Variants in KCTD16 observed in about 807,000 individuals in gnomAD.
KCTD16 encodes the protein BTB/POZ domain-containing protein KCTD16.
Under a neutral mutation model 33.2 loss-of-function variants are expected in KCTD16, and 13 were observed. The observed-to-expected ratio is 0.39, with a 90% CI of 0.25 to 0.62. The LOEUF (loss-of-function observed/expected upper bound fraction) is 0.62. KCTD16 is among the 20% of genes least tolerant of loss of function. The pLI, the probability that KCTD16 is intolerant of heterozygous loss-of-function variation, is 0.50. For missense variants in KCTD16, 441 were observed against 525.1 expected (o/e 0.84, Z 1.57); for synonymous variants, 197 against 195.3 (o/e 1.01, Z -0.07).
In KCTD16 at chr5:144,362,140, C is replaced by T. The variant is rs150288309; in HGVS notation, c.833-111520C>T. 2.4e-4 allele frequency among the ~76,000 whole-genome samples: 36 copies of T among 152,244 alleles called. 1 individual carries two copies. In the East Asian group the frequency reaches 7.0e-3, roughly 29 times the overall value. ...TGATCTCTTCAAACTACTAGAGCAA[C>T]TGCTCTCACGTAGGCTCTCTGCATG... On this transcript the variant is annotated intron_variant, in intron 3 of 3. Coordinates refer to ENST00000512467, the MANE Select transcript of KCTD16 (RefSeq NM_020768.4).
intron 3 of KCTD16, among the ~76,000 whole-genome samples, chr5:144,266,476 A>G (rs887346537): frequency 3.9e-5 from 6 of 152,228 alleles, no homozygotes; most frequent in Admixed American, 2.0e-4. Flanking sequence ...CAGAATTTGC[A>G]GTTTCCTGCA....
chr5:144,417,890 C>G (rs113035653), intron 3 of KCTD16, among the ~76,000 whole-genome samples: 1 of 152,098 alleles, frequency 6.6e-6, no homozygotes, highest in African/African-American at 2.4e-5. Flanking sequence ...CCTGGTCTTG[C>G]TGACTTCAAG....
intron 3 of KCTD16, among the ~76,000 whole-genome samples, chr5:144,450,767 A>G (rs1753923171): frequency 6.6e-6 from 1 of 152,128 alleles, no homozygotes; most frequent in Non-Finnish European, 1.5e-5. Context: ...GAAGCAGAGA[A>G]TACAATGGTA....
At chr5:144,446,194 G>T (rs1286588446) in intron 3 of KCTD16, among the ~76,000 whole-genome samples, 2 of 151,816 alleles carry the variant, frequency 1.3e-5, no homozygotes, top group African/African-American at 4.8e-5. Flanking sequence ...TTTTTTAAAT[G>T]TGGGTATTTG....
chr5:144,418,420 G>T (rs1753133130), intron 3 of KCTD16, among the ~76,000 whole-genome samples: 2 of 152,048 alleles, frequency 1.3e-5, no homozygotes, highest in African/African-American at 4.8e-5. Context: ...GTGCTGATTG[G>T]TCCGTTTTTA....
chr5:144,279,390 G>A (rs1755540367), intron 3 of KCTD16, among the ~76,000 whole-genome samples: 1 of 152,296 alleles, frequency 6.6e-6, no homozygotes, highest in African/African-American at 2.4e-5. Flanking sequence ...ATTTTAAGGA[G>A]AAAGTATTCA....
chr5:144,287,501 C>A (rs1755777212), intron 3 of KCTD16, among the ~76,000 whole-genome samples: 3 of 152,164 alleles, frequency 2.0e-5, no homozygotes, highest in Admixed American at 6.5e-5. Flanking sequence ...AGTAAGTAAT[C>A]CATCCAAGAT....
rs998527555 is a variant in KCTD16 at position 144,346,109 on chromosome 5, T to C, written c.833-127551T>C. Among the ~76,000 whole-genome samples the C allele has an allele frequency of 3.3e-5, 5 of 152,162 alleles. No individual in the cohort carries two copies. The East Asian group carries it at 9.6e-4, about 29-fold the overall frequency. On this transcript the variant is annotated intron_variant, in intron 3 of 3. Coordinates refer to ENST00000512467, the MANE Select transcript of KCTD16 (RefSeq NM_020768.4). ...CACAAATAAGTGGGAACATGCAGTG[T>C]TTGCCTTTCTGTGCCTGGCTTATTT... is the stretch of plus-strand genomic sequence containing the variant.
intron 3 of KCTD16, among the ~76,000 whole-genome samples, chr5:144,434,577 G>C (rs1290434852): frequency 6.6e-6 from 1 of 152,022 alleles, no homozygotes; most frequent in Non-Finnish European, 1.5e-5. Flanking sequence ...TCAGTTTTCA[G>C]GTAATGTTAT....
intron 3 of KCTD16, among the ~76,000 whole-genome samples, chr5:144,438,986 C>A (rs1369901181): frequency 6.6e-6 from 1 of 152,122 alleles, no homozygotes; most frequent in Non-Finnish European, 1.5e-5. Context: ...ATATTCCTAA[C>A]TTCCTCTGTG....
At chr5:144,340,824 T>C (rs562916058) in intron 3 of KCTD16, among the ~76,000 whole-genome samples, 1 of 152,044 alleles carries the variant, frequency 6.6e-6, no homozygotes, top group African/African-American at 2.4e-5. Flanking sequence ...CCGAGGCAGA[T>C]GGATCACCTG....
rs545253512 is a variant in KCTD16 at position 144,477,708 on chromosome 5, C to T, written c.*3594C>T. The T allele has an allele frequency of 1.1e-4, 17 of 152,212 alleles. No homozygotes were observed. Among genetic ancestry groups the T allele is most frequent in the African/African-American group, 3.4e-4 (14 of 41,574 alleles). 9.4% of individuals were successfully genotyped at this position (152,212 alleles called of 1,614,324 possible). A position where few individuals can be genotyped will look rare whatever the true frequency, so the allele number is the denominator to read the frequency against. ...TTTGTAAAATTACTTGACACCAGCT[C>T]CCACAATGGGAACCAAATTTTGATT... On this transcript the variant is annotated 3_prime_UTR_variant, in exon 4 of 4. Transcript: ENST00000512467.
chr5:144,196,156 C>T (rs1378090526), intron 2 of KCTD16, among the ~76,000 whole-genome samples: 1 of 152,166 alleles, frequency 6.6e-6, no homozygotes, highest in Non-Finnish European at 1.5e-5. Flanking sequence ...ACGTATTTTG[C>T]TGGACTCCAG....
chr5:144,379,093 G>A (rs1156848635), intron 3 of KCTD16, among the ~76,000 whole-genome samples: 1 of 152,146 alleles, frequency 6.6e-6, no homozygotes, highest in African/African-American at 2.4e-5. Flanking sequence ...CATATTTTGT[G>A]CTCAAAAGTA....
chr5:144,329,672 T>G (rs182214590), intron 3 of KCTD16, among the ~76,000 whole-genome samples: 3 of 152,198 alleles, frequency 2.0e-5, no homozygotes, highest in Non-Finnish European at 2.9e-5. Flanking sequence ...TTAGTAAAGT[T>G]GGATAGGAAT....
intron 3 of KCTD16, among the ~76,000 whole-genome samples, chr5:144,325,799 C>T (rs1231168446): frequency 1.3e-5 from 2 of 152,242 alleles, no homozygotes; most frequent in African/African-American, 4.8e-5. Context: ...GCCTGTTTCC[C>T]CTCACCCCTT....
chr5:144,473,803 G>C lies in KCTD16; in HGVS notation c.976G>C (p.Glu326Gln), dbSNP rs1429864205. ...CCAGTCTGAGGCCAGCTCTCCCCAG[G>C]AGACGGTCATCTGTGGTCCCGTGAC... ...DSQSEASSPQ[E>Q]TVICGPVTRQ... Residue 326 changes from glutamate to glutamine, a missense_variant, in exon 4 of 4, where the codon GAG becomes CAG. Around this residue, in one of 3 missense-constraint regions of KCTD16, gnomAD observed 355 missense variants for 413.0 expected, o/e 0.86. Coordinates refer to ENST00000512467, the MANE Select transcript of KCTD16 (RefSeq NM_020768.4). The C allele has an allele frequency of 6.2e-7, 1 of 1,613,942 alleles. No homozygotes were observed. Among genetic ancestry groups the C allele is most frequent in the Non-Finnish European group, 8.5e-7 (1 of 1,179,998 alleles).
chr5:144,312,773 T>G (rs1436790832), intron 3 of KCTD16, among the ~76,000 whole-genome samples: 1 of 152,186 alleles, frequency 6.6e-6, no homozygotes, highest in African/African-American at 2.4e-5. Flanking sequence ...GGGTTCCTTT[T>G]TATCCCTTTC....
chr5:144,263,133 A>G (rs1755056874), intron 3 of KCTD16, among the ~76,000 whole-genome samples: 1 of 152,236 alleles, frequency 6.6e-6, no homozygotes, highest in South Asian at 2.1e-4. Flanking sequence ...CTTAGTAATC[A>G]TTATAATGAA....
Sources: gnomAD v4.1 joint callset for allele counts (sites outside exome capture counted in the v4.1 genomes callset) on GRCh38, gnomAD v4.1.1 for gene constraint, gnomAD v4.1.1 regional missense constraint, MANE v1.5 for transcripts, NCBI Gene and HGNC (gene_info 2026-07-23, HGNC 2026-07-21) for gene names.